HPSE2: variants seen among roughly 807,000 people sequenced by gnomAD.
HPSE2 encodes the protein heparanase 2 (inactive).
HPSE2 carries 38 observed loss-of-function variants against 60.5 expected under a neutral mutation model. That is an observed-to-expected ratio of 0.63 (90% CI 0.48 to 0.82). HPSE2 has a LOEUF of 0.82. Ranked by LOEUF, HPSE2 falls within the 40% of genes least tolerant of loss-of-function variation. The probability of loss-of-function intolerance (pLI) is 0.00; values close to 1 mark genes in which losing one functional copy is unlikely to be tolerated. For synonymous variants in HPSE2, 295 were observed against 293.2 expected, an observed-to-expected ratio of 1.01 and a Z score of -0.06; for missense variants, 713 against 740.4, an observed-to-expected ratio of 0.96 and a Z score of 0.43.
chr10:99,178,467 T>A (rs1847622576), intron 2 of HPSE2, among the ~76,000 whole-genome samples: 1 of 151,924 alleles, frequency 6.6e-6, no homozygotes, highest in South Asian at 2.1e-4. Context: ...AAATACAAAC[T>A]ACCATCAGAG....
chr10:98,552,598 A>G (rs1219511632), intron 9 of HPSE2, among the ~76,000 whole-genome samples: 1 of 152,148 alleles, frequency 6.6e-6, no homozygotes, highest in African/African-American at 2.4e-5. Context: ...TTTTTGTCTT[A>G]TTTCAACCTA....
intron 3 of HPSE2, among the ~76,000 whole-genome samples, chr10:98,790,607 T>C (rs1489246451): frequency 1.3e-5 from 2 of 152,164 alleles, no homozygotes; most frequent in African/African-American, 4.8e-5. Flanking sequence ...ACAATGTGTA[T>C]TTCAAAATCG....
At chr10:99,009,737 A>G (rs551861783) in intron 3 of HPSE2, among the ~76,000 whole-genome samples, 1 of 152,328 alleles carries the variant, frequency 6.6e-6, no homozygotes, top group African/African-American at 2.4e-5. Context: ...TTTCAGGACC[A>G]GTAATATTTC....
At chr10:98,748,358 A>G (rs1057332254) in intron 3 of HPSE2, among the ~76,000 whole-genome samples, 38 of 152,194 alleles carry the variant, frequency 2.5e-4, no homozygotes, top group African/African-American at 8.4e-4. Flanking sequence ...GTTTATTAGA[A>G]AAGTACATAT....
chr10:99,296,584 T>C, the HPSE2 span, among the ~76,000 whole-genome samples: 2 of 152,252 alleles, frequency 1.3e-5, no homozygotes, highest in Admixed American at 1.3e-4. Flanking sequence ...ACACTGTTTC[T>C]TTAATAATGC....
In HPSE2 at chr10:99,083,145, A is replaced by C. The variant is rs1317299065; in HGVS notation, c.610+61093T>G. On this transcript the variant is annotated intron_variant, in intron 3 of 11. Transcript: ENST00000370552. ...TTTCATTTAGAGAAGCCAAGCCTTC[A>C]AGCATGTAAAGGGATATTACAGCTA... Among the ~76,000 whole-genome samples, 4 of 152,230 alleles carry C rather than the reference A, an allele frequency of 2.6e-5. No homozygotes were observed. The East Asian group carries it at 7.7e-4, about 29-fold the overall frequency.
At chr10:99,152,842 G>C (rs997609899) in intron 2 of HPSE2, among the ~76,000 whole-genome samples, 2 of 152,214 alleles carry the variant, frequency 1.3e-5, no homozygotes, top group African/African-American at 4.8e-5. Context: ...TGAGGTACCG[G>C]GTTCACCTCA....
At chr10:98,811,653 G>A (rs147809322) in intron 3 of HPSE2, among the ~76,000 whole-genome samples, 67 of 152,094 alleles carry the variant, frequency 4.4e-4, no homozygotes, top group African/African-American at 1.5e-3. Flanking sequence ...TATCTCATTC[G>A]ATCCTCAGAA....
chr10:98,599,282 GGT>G (rs1945332291), intron 9 of HPSE2, among the ~76,000 whole-genome samples: 1 of 152,196 alleles, frequency 6.6e-6, no homozygotes, highest in Non-Finnish European at 1.5e-5. Context: ...GTGCTAGACG[GGT>G]CTAGAGTCTG....
chr10:98,711,356 A>AAGTGTG, intron 5 of HPSE2, among the ~76,000 whole-genome samples: 2 of 152,302 alleles, frequency 1.3e-5, no homozygotes, highest in Middle Eastern at 6.8e-3. Context: ...GCCCTGCTAT[A>AAGTGTG]AACCTGACTG....
At chr10:98,865,317 A>C (rs1165922078) in intron 3 of HPSE2, among the ~76,000 whole-genome samples, 1 of 152,156 alleles carries the variant, frequency 6.6e-6, no homozygotes, top group Non-Finnish European at 1.5e-5. Context: ...AAAAGATATG[A>C]GAGACTTATA....
chr10:99,020,239 TAATTA>T (rs1456686060), intron 3 of HPSE2, among the ~76,000 whole-genome samples: 1 of 152,216 alleles, frequency 6.6e-6, no homozygotes, highest in African/African-American at 2.4e-5. Context: ...TGGAGATATT[TAATTA>T]AATAATCAAA....
At chr10:99,029,123 G>A (rs570346957) in intron 3 of HPSE2, among the ~76,000 whole-genome samples, 2 of 152,104 alleles carry the variant, frequency 1.3e-5, no homozygotes, top group South Asian at 2.1e-4. Flanking sequence ...AAGAAGAAAC[G>A]GACAAATGGG....
At chr10:98,635,152 A>G (rs1175666369) in intron 7 of HPSE2, among the ~76,000 whole-genome samples, 1 of 152,238 alleles carries the variant, frequency 6.6e-6, no homozygotes, top group Non-Finnish European at 1.5e-5. Context: ...GAATGTTACA[A>G]ATAGTCAATA....
intron 3 of HPSE2, among the ~76,000 whole-genome samples, chr10:98,830,471 A>C (rs1326243987): frequency 2.6e-5 from 4 of 152,174 alleles, no homozygotes; most frequent in African/African-American, 7.2e-5. Context: ...CACAAATAAA[A>C]GGCTTCAATC....
chr10:98,794,903 G>A (rs945701406), intron 3 of HPSE2, among the ~76,000 whole-genome samples: 16 of 146,650 alleles, frequency 1.1e-4, no homozygotes, highest in African/African-American at 3.7e-4. Flanking sequence ...GCAAATGCCT[G>A]TGAATTAAAA....
chr10:98,952,859 C>T (rs1249341399), intron 3 of HPSE2, among the ~76,000 whole-genome samples: 1 of 152,132 alleles, frequency 6.6e-6, no homozygotes, highest in Non-Finnish European at 1.5e-5. Context: ...GGACCCTACC[C>T]TGATAACCTA....
At chr10:98,972,908 G>A (rs1955993635) in intron 3 of HPSE2, among the ~76,000 whole-genome samples, 1 of 152,116 alleles carries the variant, frequency 6.6e-6, no homozygotes, top group African/African-American at 2.4e-5. Flanking sequence ...GGGAGCTCCA[G>A]GTGGGTAAGT....
At chr10:99,252,214 C>T in the HPSE2 span, among the ~76,000 whole-genome samples, 1 of 152,066 alleles carries the variant, frequency 6.6e-6, no homozygotes, top group South Asian at 2.1e-4. Flanking sequence ...CAACATCATA[C>T]TGAATGGGCA....
Sources: gnomAD v4.1 joint callset for allele counts (sites outside exome capture counted in the v4.1 genomes callset) on GRCh38, gnomAD v4.1.1 for gene constraint, MANE v1.5 for transcripts, NCBI Gene and HGNC (gene_info 2026-07-23, HGNC 2026-07-21) for gene names.